ACAP2: variants seen among roughly 807,000 people sequenced by gnomAD.
ACAP2 encodes the protein arf-GAP with coiled-coil, ANK repeat and PH domain-containing protein 2.
ACAP2 carries 39 observed loss-of-function variants against 115.8 expected under a neutral mutation model. That is an observed-to-expected ratio of 0.34 (90% CI 0.26 to 0.44). ACAP2 has a LOEUF of 0.44. ACAP2 is among the 20% of genes least tolerant of loss of function. The pLI, the probability that ACAP2 is intolerant of heterozygous loss-of-function variation, is 1.00. For synonymous variants in ACAP2, 289 were observed against 315.8 expected, an observed-to-expected ratio of 0.92 and a Z score of 0.90; for missense variants, 662 against 927.6, an observed-to-expected ratio of 0.71 and a Z score of 3.72.
chr3:195,295,469 T>C, intron 17 of ACAP2: 2 of 576,646 alleles, frequency 3.5e-6, no homozygotes, highest in Non-Finnish European at 6.0e-6. Flanking sequence ...CCATCTCCCC[T>C]TGCATTTTAA....
intron 10 of ACAP2, among the ~76,000 whole-genome samples, chr3:195,316,629 C>T (rs944929169): frequency 6.6e-6 from 1 of 151,888 alleles, no homozygotes; most frequent in Non-Finnish European, 1.5e-5. Context: ...AAACTCCTGG[C>T]CTCAAGTGAT....
chr3:195,404,747 CAT>C (rs1274766139), intron 1 of ACAP2, among the ~76,000 whole-genome samples: 2 of 148,322 alleles, frequency 1.3e-5, no homozygotes, highest in Non-Finnish European at 3.0e-5. Context: ...TATATACACA[CAT>C]ACGTATTTAT....
chr3:195,295,054 C>T, intron 17 of ACAP2: 1 of 422,484 alleles, frequency 2.4e-6, no homozygotes. Context: ...CATAATATGT[C>T]AGGGGTAGTA....
chr3:195,328,905 G>A (rs1008737020), intron 8 of ACAP2, among the ~76,000 whole-genome samples: 6 of 152,092 alleles, frequency 3.9e-5, no homozygotes, highest in East Asian at 3.9e-4. Flanking sequence ...CGGTGAAACC[G>A]TGCCTCTACT....
At chr3:195,321,106 A>G (rs975621024) in intron 9 of ACAP2, among the ~76,000 whole-genome samples, 2 of 152,150 alleles carry the variant, frequency 1.3e-5, no homozygotes, top group Non-Finnish European at 2.9e-5. Flanking sequence ...AATATAAACT[A>G]TATATACATT....
Position 195,345,248 on chromosome 3 carries a change from A to T in ACAP2, c.344+11T>A, listed in dbSNP as rs1202044024. ...GTTAATTTTCTTTCCTCTTCACCGCAATTGACTTACTCTTTAACAAAGTTC... is the reference window on the plus strand; with the variant it reads ...GTTAATTTTCTTTCCTCTTCACCGCTATTGACTTACTCTTTAACAAAGTTC... On this transcript the variant is annotated intron_variant, in intron 5 of 22. Coordinates refer to ENST00000326793, the MANE Select transcript of ACAP2 (RefSeq NM_012287.6). 1 of 1,601,010 alleles carries T rather than the reference A, an allele frequency of 6.2e-7. No individual in the cohort carries two copies. Among genetic ancestry groups the T allele is most frequent in the East Asian group, 2.2e-5 (1 of 44,670 alleles).
intron 9 of ACAP2, among the ~76,000 whole-genome samples, chr3:195,323,298 A>T (rs1729568982): frequency 6.6e-6 from 1 of 152,232 alleles, no homozygotes; most frequent in Non-Finnish European, 1.5e-5. Context: ...TTGGTAGATG[A>T]TAACACTTCA....
chr3:195,437,814 C>CAAAAAA (rs535209837), intron 1 of ACAP2, among the ~76,000 whole-genome samples: 1 of 36,398 alleles, frequency 2.7e-5, no homozygotes, highest in African/African-American at 9.3e-5. Context: ...GACTCTGTCT[C>CAAAAAA]AAAAAAAAAA....
At chr3:195,308,194 A>G (rs949613909) in intron 11 of ACAP2, among the ~76,000 whole-genome samples, 9 of 152,152 alleles carry the variant, frequency 5.9e-5, no homozygotes, top group African/African-American at 2.2e-4. Context: ...TAATTAATGT[A>G]ATTTTTAACC....
At chr3:195,402,355 C>T (rs1712380147) in intron 1 of ACAP2, among the ~76,000 whole-genome samples, 1 of 151,974 alleles carries the variant, frequency 6.6e-6, no homozygotes, top group Non-Finnish European at 1.5e-5. Flanking sequence ...ATCTGCTGTG[C>T]CCTCTCCAGC....
chr3:195,421,461 C>T (rs1714184873), intron 1 of ACAP2, among the ~76,000 whole-genome samples: 1 of 152,162 alleles, frequency 6.6e-6, no homozygotes, highest in Non-Finnish European at 1.5e-5. Context: ...TTACTTTTAC[C>T]TCAATGATCA....
chr3:195,362,434 T>C (rs573043949), intron 4 of ACAP2, among the ~76,000 whole-genome samples: 2 of 152,036 alleles, frequency 1.3e-5, no homozygotes, highest in African/African-American at 4.8e-5. Context: ...CAAACTATTC[T>C]GAAAAATAGC....
At chr3:195,402,932 C>T (rs752586202) in intron 1 of ACAP2, among the ~76,000 whole-genome samples, 3 of 152,120 alleles carry the variant, frequency 2.0e-5, no homozygotes, top group African/African-American at 7.2e-5. Context: ...CCTTACCATC[C>T]TAGAGCTTAC....
At chr3:195,320,528 T>C (rs1729380914) in intron 10 of ACAP2, among the ~76,000 whole-genome samples, 173 bp downstream of exon 10, 1 of 152,216 alleles carries the variant, frequency 6.6e-6, no homozygotes, top group Non-Finnish European at 1.5e-5. Flanking sequence ...ATTAACGATT[T>C]TATTCTTCAC....
At chr3:195,329,096 A>G (rs1181563907) in intron 8 of ACAP2, among the ~76,000 whole-genome samples, 1 of 149,112 alleles carries the variant, frequency 6.7e-6, no homozygotes, top group Non-Finnish European at 1.5e-5. Flanking sequence ...AAAAAAAAAG[A>G]AAGAAAGAAA....
At chr3:195,376,547 A>AAAC (rs1045871382) in intron 4 of ACAP2, among the ~76,000 whole-genome samples, 4 of 152,136 alleles carry the variant, frequency 2.6e-5, no homozygotes, top group African/African-American at 4.8e-5. Flanking sequence ...CATTTCACAA[A>AAAC]AACAACAACA....
At chr3:195,322,296 T>C (rs554225188) in intron 9 of ACAP2, among the ~76,000 whole-genome samples, 4 of 152,282 alleles carry the variant, frequency 2.6e-5, no homozygotes, top group African/African-American at 9.6e-5. Flanking sequence ...ATTAGAATTC[T>C]ACCCTATTAA....
intron 13 of ACAP2, 42 bp from the exon 14 acceptor site, chr3:195,302,216 ATT>A: frequency 2.6e-6 from 4 of 1,522,832 alleles, no homozygotes; most frequent in Non-Finnish European, 3.6e-6. Context: ...AAAAAAAAAG[ATT>A]GAAATACTTT....
chr3:195,333,013 A>T lies in ACAP2; in HGVS notation c.669+15T>A, dbSNP rs1730274974. On this transcript the variant is annotated intron_variant, in intron 8 of 22. Transcript: ENST00000326793. ...AATGTATAAAACAGAATCAAGAAAT[A>T]TACTGCAACATTACCTGTGCACCAA... The T allele has an allele frequency of 6.4e-7, 1 of 1,553,668 alleles. No homozygotes were observed. The highest frequency in any genetic ancestry group is 1.8e-5 in the Admixed American group (1 of 56,680).
Sources: gnomAD v4.1 joint callset for allele counts (sites outside exome capture counted in the v4.1 genomes callset) on GRCh38, gnomAD v4.1.1 for gene constraint, MANE v1.5 for transcripts, NCBI Gene and HGNC (gene_info 2026-07-23, HGNC 2026-07-21) for gene names.